The following ATIC variants were observed in gnomAD, a reference collection of about 807,000 sequenced individuals.
ATIC encodes bifunctional purine biosynthesis protein ATIC.
A neutral mutation model predicts 72.5 loss-of-function variants in ATIC; 64 were observed. The observed-to-expected ratio is 0.88, with a 90% CI of 0.72 to 1.09. The LOEUF (loss-of-function observed/expected upper bound fraction) is 1.09, where lower values mean the gene tolerates loss of function less well. ATIC is among the 50% of genes least tolerant of loss of function. ATIC has a pLI of 0.00. For missense variants in ATIC, 787 were observed against 732.4 expected (o/e 1.07, Z -0.86); for synonymous variants, 281 against 267.1 (o/e 1.05, Z -0.51).
intron 12 of ATIC, among the ~76,000 whole-genome samples, chr2:215,341,838 G>A (rs1432909186): frequency 6.6e-6 from 1 of 152,000 alleles, no homozygotes; most frequent in East Asian, 1.9e-4. Context: ...TTTTTATCAC[G>A]CTGCTATGAA....
At chr2:215,362,016 G>GGCC in the ATIC span, 2 of 1,614,092 alleles carry the variant, frequency 1.2e-6, no homozygotes, top group Admixed American at 3.3e-5. Flanking sequence ...TTGTAGGACT[G>GGCC]GCCAGTAGTG....
the ATIC span, chr2:215,367,688 A>G: frequency 3.5e-5 from 24 of 688,320 alleles, no homozygotes; most frequent in Non-Finnish European, 5.9e-5. Flanking sequence ...AACAAGTAAA[A>G]TTTCCCATCA....
chr2:215,330,052 C>G (rs938060515), intron 7 of ATIC, among the ~76,000 whole-genome samples: 2 of 152,178 alleles, frequency 1.3e-5, no homozygotes, highest in Non-Finnish European at 1.5e-5. Context: ...CATGAGCCAC[C>G]GCACCCATCC....
intron 4 of ATIC, 42 bp from the exon 5 acceptor site, chr2:215,325,199 G>A: frequency 6.7e-7 from 1 of 1,497,826 alleles, no homozygotes; most frequent in South Asian, 1.1e-5. Context: ...AACCACATGA[G>A]TGGACTTTTT....
Position 215,334,899 on chromosome 2 carries a change from C to T in ATIC, c.923-20C>T, listed in dbSNP as rs2052938145. ...TCAGGATACTTTGTGATAAATACCT[C>T]ATTTTAATTTTATTTACAGGGGCTG... On this transcript the variant is annotated intron_variant, in intron 9 of 15. Transcript: ENST00000236959. 6.3e-7 allele frequency: 1 copy of T among 1,595,294 alleles called. No homozygotes were observed. The highest frequency in any genetic ancestry group is 1.3e-5 in the African/African-American group (1 of 74,486).
At chr2:215,340,157 C>T (rs2053004143) in intron 12 of ATIC, among the ~76,000 whole-genome samples, 1 of 152,062 alleles carries the variant, frequency 6.6e-6, no homozygotes, top group African/African-American at 2.4e-5. Flanking sequence ...TGGGCTTGTG[C>T]TCTTTGTTAC....
At chr2:215,366,555 AT>A in the ATIC span, among the ~76,000 whole-genome samples, 1 of 152,254 alleles carries the variant, frequency 6.6e-6, no homozygotes, top group Non-Finnish European at 1.5e-5. Flanking sequence ...TCACAGTTTT[AT>A]GCCTTTAACT....
chr2:215,352,982 T>G (rs1039016645), downstream of ATIC, among the ~76,000 whole-genome samples: 2 of 152,222 alleles, frequency 1.3e-5, no homozygotes, highest in East Asian at 3.9e-4. Context: ...TTTTTTAGTT[T>G]GATTTGTTGA....
At position 215,312,174 on chromosome 2, in the gene ATIC, C is replaced by A; in HGVS notation, c.19+13C>A. 6.7e-7 allele frequency: 1 copy of A among 1,503,510 alleles called. No homozygotes were observed. The allele number at this position is 1,503,510 out of a possible 1,614,324, so 93.1% of individuals were successfully genotyped here. A position where few individuals can be genotyped will look rare whatever the true frequency, so the allele number is the denominator to read the frequency against. On this transcript the variant is annotated intron_variant, in intron 1 of 15. Transcript: ENST00000236959. ...CCCGGCCAGCTCGGTGAGGCCCTAG[C>A]GGAGCGGCGCGGTCTGCGTCCTCGC...
At chr2:215,334,847 G>A in intron 9 of ATIC, 72 bp from the exon 10 acceptor site, 1 of 1,219,378 alleles carries the variant, frequency 8.2e-7, no homozygotes, top group Non-Finnish European at 1.2e-6. Context: ...TTATATGACA[G>A]TGGAGAATTT....
At chr2:215,366,696 A>T in the ATIC span, among the ~76,000 whole-genome samples, 1 of 152,246 alleles carries the variant, frequency 6.6e-6, no homozygotes, top group Admixed American at 6.5e-5. Context: ...TACAAAGTAA[A>T]ATAATTAGAC....
At chr2:215,333,714 A>T (rs932393865) in intron 9 of ATIC, among the ~76,000 whole-genome samples, 3 of 152,154 alleles carry the variant, frequency 2.0e-5, no homozygotes, top group Non-Finnish European at 2.9e-5. Context: ...TGATTCTGTG[A>T]GTACCTCAAA....
intron 5 of ATIC, 152 bp downstream of exon 5, chr2:215,325,481 C>A (rs1575116591): frequency 3.5e-6 from 2 of 569,936 alleles, no homozygotes; most frequent in African/African-American, 3.8e-5. Context: ...TTTATATTTT[C>A]TTTTTTTCAT....
chr2:215,364,048 A>AG, the ATIC span, among the ~76,000 whole-genome samples: 5 of 152,172 alleles, frequency 3.3e-5, no homozygotes, highest in African/African-American at 7.2e-5. Context: ...CGTAAACCTC[A>AG]GCCAGTTCAT....
rs74794855 is a variant in ATIC at position 215,319,917 on chromosome 2, T to G, written c.290+186T>G. ...TACCAAAATACATACTGAAGTTTTTTAGGAAGTTACAATCTAAATCTTAGT... is the reference window on the plus strand; with the variant it reads ...TACCAAAATACATACTGAAGTTTTTGAGGAAGTTACAATCTAAATCTTAGT... On this transcript the variant is annotated intron_variant, in intron 4 of 15. Coordinates refer to ENST00000236959, the MANE Select transcript of ATIC (RefSeq NM_004044.7). 5.2e-3 allele frequency among the ~76,000 whole-genome samples: 798 copies of G among 152,344 alleles called. 7 individuals carry two copies. Among genetic ancestry groups the G allele is most frequent in the African/African-American group, 0.018 (763 of 41,574 alleles).
intron 9 of ATIC, among the ~76,000 whole-genome samples, chr2:215,334,664 T>G (rs2052935744): frequency 6.6e-6 from 1 of 152,336 alleles, no homozygotes; most frequent in Admixed American, 6.5e-5. Flanking sequence ...CCTGCCACCC[T>G]GTTTTTGTGA....
chr2:215,320,727 T>C (rs913222836), intron 4 of ATIC, among the ~76,000 whole-genome samples: 1 of 152,122 alleles, frequency 6.6e-6, no homozygotes, highest in African/African-American at 2.4e-5. Context: ...TTACAGGCGT[T>C]TGTCACCACG....
chr2:215,361,986 G>A, the ATIC span: 5 of 1,612,590 alleles, frequency 3.1e-6, no homozygotes, highest in East Asian at 6.7e-5. Flanking sequence ...GTTCTCTGAT[G>A]GTATCTCTGA....
chr2:215,341,051 C>T (rs187550487), intron 12 of ATIC, among the ~76,000 whole-genome samples: 2 of 152,130 alleles, frequency 1.3e-5, no homozygotes, highest in Admixed American at 6.6e-5. Flanking sequence ...AATCCTGAGG[C>T]CTTTTCAGTA....
Sources: gnomAD v4.1 joint callset for allele counts (sites outside exome capture counted in the v4.1 genomes callset) on GRCh38, gnomAD v4.1.1 for gene constraint, MANE v1.5 for transcripts, NCBI Gene and HGNC (gene_info 2026-07-23, HGNC 2026-07-21) for gene names.